Variants in PCDHGB5 observed in about 807,000 individuals in gnomAD.
The protein encoded by PCDHGB5 is protocadherin gamma-B5.
A neutral mutation model predicts 62.9 loss-of-function variants in PCDHGB5; 48 were observed. That is an observed-to-expected ratio of 0.76 (90% CI 0.61 to 0.97). PCDHGB5 has a LOEUF of 0.97. Among genes scored for constraint, PCDHGB5 ranks in the 50% least tolerant of loss-of-function variants. The pLI, the probability that PCDHGB5 is intolerant of heterozygous loss-of-function variation, is 0.00. For missense variants in PCDHGB5, 1,118 were observed against 1,198.6 expected (o/e 0.93, Z 0.99); for synonymous variants, 474 against 511.2 (o/e 0.93, Z 0.98).
chr5:141,423,169 C>T (rs747206648), intron 1 of PCDHGB5: 4 of 1,613,460 alleles, frequency 2.5e-6, no homozygotes, highest in Admixed American at 3.3e-5. Flanking sequence ...GGTGGCCGTC[C>T]AGGACCACGG....
chr5:141,432,071 AT>A lies in PCDHGB5; in HGVS notation c.2397+31548del. 1 of 1,614,158 alleles carries A rather than the reference AT, an allele frequency of 6.2e-7. No individual in the cohort carries two copies. Among genetic ancestry groups the A allele is most frequent in the Non-Finnish European group, 8.5e-7 (1 of 1,180,032 alleles). ...CCCGCCCCTATCCACGGAAACTCAT[AT>A]CTCGCTGAACGTGGCAGACACCAAC... On this transcript the variant is annotated intron_variant, in intron 1 of 3. Transcript: ENST00000617380. The surrounding 1 kb of genome is among the most constrained non-coding windows in gnomAD (Gnocchi z 6.0).
chr5:141,476,920 A>G lies in PCDHGB5; in HGVS notation c.2398-17887A>G. The G allele has an allele frequency of 6.2e-7, 1 of 1,614,094 alleles. No individual in the cohort carries two copies. The highest frequency in any genetic ancestry group is 1.1e-5 in the South Asian group (1 of 91,088). On this transcript the variant is annotated intron_variant, in intron 1 of 3. Coordinates refer to ENST00000617380, the MANE Select transcript of PCDHGB5 (RefSeq NM_018925.3). This position sits in a 1 kb window ranked among gnomAD's most constrained non-coding sequence, Gnocchi z 7.6. ...GCACGCGCGTGGTACAAGTCCTTGC[A>G]ACGGATCTGGATGAAGGCCCCAACG...
intron 1 of PCDHGB5, chr5:141,409,367 G>A: frequency 1.9e-6 from 3 of 1,614,000 alleles, no homozygotes; most frequent in Non-Finnish European, 2.5e-6. Context: ...TATAGAAACA[G>A]ACATTCCATT....
intron 1 of PCDHGB5, among the ~76,000 whole-genome samples, chr5:141,484,321 G>A (rs2099594762): frequency 6.6e-6 from 1 of 152,124 alleles, no homozygotes; most frequent in Non-Finnish European, 1.5e-5. Flanking sequence ...CTTCCATACT[G>A]TCCTTGAAAT....
chr5:141,482,109 C>G (rs972542276), intron 1 of PCDHGB5, among the ~76,000 whole-genome samples: 2 of 149,582 alleles, frequency 1.3e-5, no homozygotes, highest in African/African-American at 2.5e-5. Context: ...AAAAAAATAT[C>G]TAGAGATGGG....
intron 1 of PCDHGB5, among the ~76,000 whole-genome samples, chr5:141,437,777 C>T (rs998490046): frequency 2.0e-5 from 3 of 148,970 alleles, no homozygotes; most frequent in Admixed American, 6.7e-5. Context: ...CTCAATCTGT[C>T]GCCAAGCTGG....
chr5:141,437,617 C>T (rs570138576), intron 1 of PCDHGB5, among the ~76,000 whole-genome samples: 1 of 152,102 alleles, frequency 6.6e-6, no homozygotes, highest in Admixed American at 6.6e-5. Flanking sequence ...CTGCTTTATC[C>T]CCATATAAGA....
intron 1 of PCDHGB5, among the ~76,000 whole-genome samples, chr5:141,465,130 AAG>A (rs1277023430): frequency 2.6e-5 from 4 of 151,968 alleles, no homozygotes; most frequent in Non-Finnish European, 5.9e-5. Flanking sequence ...AATTTGTAAA[AAG>A]TTTAGGGGAT....
intron 1 of PCDHGB5, among the ~76,000 whole-genome samples, chr5:141,444,872 G>T (rs2098449555): frequency 6.6e-6 from 1 of 152,120 alleles, no homozygotes. Context: ...ACAGGACAAA[G>T]CTTGTAGGAT....
rs764976894 is a variant in PCDHGB5, at chr5:141,476,238, G to T, written c.2398-18569G>T. On this transcript the variant is annotated intron_variant, in intron 1 of 3. Transcript: ENST00000617380. The surrounding 1 kb of genome is among the most constrained non-coding windows in gnomAD (Gnocchi z 7.6). ...ATTCACTATGAGATCCCGGAGGAAA[G>T]AGAGAAGGGTTTCGCTGTGGGCAAC... is the stretch of plus-strand genomic sequence containing the variant. The T allele has an allele frequency of 3.1e-6, 5 of 1,614,098 alleles. No individual in the cohort carries two copies. The highest frequency in any genetic ancestry group is 4.2e-6 in the Non-Finnish European group (5 of 1,180,012).
At chr5:141,409,484 G>A in intron 1 of PCDHGB5, 1 of 1,613,974 alleles carries the variant, frequency 6.2e-7, no homozygotes, top group Non-Finnish European at 8.5e-7. Flanking sequence ...CACTGACAGG[G>A]GCAAGCCGCC....
Position 141,511,178 on chromosome 5 carries a change from G to A in PCDHGB5, c.*5G>A. The A allele has an allele frequency of 6.2e-7, 1 of 1,614,090 alleles. No homozygotes were observed. Among genetic ancestry groups the A allele is most frequent in the South Asian group, 1.1e-5 (1 of 91,074 alleles). On this transcript the variant is annotated 3_prime_UTR_variant, in exon 4 of 4. Coordinates refer to ENST00000617380, the MANE Select transcript of PCDHGB5 (RefSeq NM_018925.3). ...GGCAAGAAGGAGAAGAAGTAACATG[G>A]AGGCCAGGCCAAGAGCCACAGGGCG...
Position 141,398,782 on chromosome 5 carries a change from C to T in PCDHGB5, c.655C>T (p.His219Tyr), listed in dbSNP as rs763578317. The T allele has an allele frequency of 6.2e-7, 1 of 1,613,908 alleles. No homozygotes were observed. Among genetic ancestry groups the T allele is most frequent in the Non-Finnish European group, 8.5e-7 (1 of 1,179,884 alleles). Residue 219 changes from histidine to tyrosine, a missense_variant, in exon 1 of 4, where the codon CAT (histidine) becomes TAT (tyrosine). Transcript: ENST00000617380. Reference protein sequence around the residue: ...RLVLTALDGGHPPLSGTTELR... With the variant: ...RLVLTALDGGYPPLSGTTELR... Reference sequence around the variant, plus strand: ...AGTCCTGACTGCCTTGGACGGTGGACATCCACCCCTAAGCGGCACCACTGA... The same window carrying T: ...AGTCCTGACTGCCTTGGACGGTGGATATCCACCCCTAAGCGGCACCACTGA...
intron 1 of PCDHGB5, chr5:141,426,609 G>A (rs1026143678): frequency 5.2e-6 from 2 of 382,862 alleles, no homozygotes; most frequent in African/African-American, 4.2e-5. Flanking sequence ...AGAGATTGTA[G>A]CAGAGAATCC....
Position 141,399,808 on chromosome 5 carries a change from C to A in PCDHGB5, c.1681C>A (p.Pro561Thr). 1 of 1,613,208 alleles carries A rather than the reference C, an allele frequency of 6.2e-7. No homozygotes were observed. Among genetic ancestry groups the A allele is most frequent in the Non-Finnish European group, 8.5e-7 (1 of 1,179,754 alleles). ...RNDNAPRVLY[P>T]ALGPDGSALF... is the part of the protein sequence containing the mutation. ...CGACAACGCACCGCGGGTGCTGTACCCCGCGCTGGGTCCCGACGGCTCTGC... is the reference window on the plus strand; with the variant it reads ...CGACAACGCACCGCGGGTGCTGTACACCGCGCTGGGTCCCGACGGCTCTGC... Residue 561 changes from proline to threonine, a missense_variant, in exon 1 of 4, where the codon CCC becomes ACC. Physicochemically the swap from Pro to Thr is conservative, Grantham distance 38. Coordinates refer to ENST00000617380, the MANE Select transcript of PCDHGB5 (RefSeq NM_018925.3).
At position 141,402,030 on chromosome 5, in the gene PCDHGB5, A is replaced by C. The variant is rs188760101; in HGVS notation, c.2397+1506A>C. On this transcript the variant is annotated intron_variant, in intron 1 of 3. Transcript: ENST00000617380. Reference sequence around the variant, plus strand: ...ATATGCATTTGAATCATTGAAACACAGTCTGTGCATGCATTACATATTCAC... The same window carrying C: ...ATATGCATTTGAATCATTGAAACACCGTCTGTGCATGCATTACATATTCAC... Among the ~76,000 whole-genome samples the C allele has an allele frequency of 1.4e-3, 213 of 152,348 alleles. 1 individual carries two copies. The highest frequency in any genetic ancestry group is 4.8e-3 in the African/African-American group (199 of 41,586).
At chr5:141,419,405 G>T (rs1219399978) in intron 1 of PCDHGB5, 1 of 1,613,512 alleles carries the variant, frequency 6.2e-7, no homozygotes, top group South Asian at 1.1e-5. Context: ...GGTGGTGTTC[G>T]CGCAGCGCGC....
intron 1 of PCDHGB5, chr5:141,428,388 C>G (rs1299321513): frequency 4.0e-6 from 2 of 506,160 alleles, no homozygotes; most frequent in Non-Finnish European, 7.3e-6. Context: ...GCTCTTCCAG[C>G]CCCTCTGCCT....
intron 1 of PCDHGB5, chr5:141,418,093 C>T: frequency 6.2e-7 from 1 of 1,614,032 alleles, no homozygotes; most frequent in East Asian, 2.2e-5. Flanking sequence ...TCAGCGTAGA[C>T]GCGCAGAGCG....
Sources: gnomAD v4.1 joint callset for allele counts (sites outside exome capture counted in the v4.1 genomes callset) on GRCh38, gnomAD v4.1.1 for gene constraint, Gnocchi (gnomAD v3.1) non-coding constraint, MANE v1.5 for transcripts, NCBI Gene and HGNC (gene_info 2026-07-23, HGNC 2026-07-21) for gene names.